The following UVSSA variants were observed in gnomAD, a reference collection of about 807,000 sequenced individuals.
The protein encoded by UVSSA is UV-stimulated scaffold protein A.
UVSSA carries 72 observed loss-of-function variants against 73.9 expected under a neutral mutation model. The observed-to-expected ratio is 0.97, with a 90% confidence interval of 0.81 to 1.19. The LOEUF (loss-of-function observed/expected upper bound fraction) is 1.19, where lower values mean the gene tolerates loss of function less well. UVSSA is among the 50% of genes most tolerant of loss of function. UVSSA has a pLI of 0.00. For synonymous variants in UVSSA, 454 were observed against 391.3 expected, an observed-to-expected ratio of 1.16 and a Z score of -1.89; for missense variants, 1,150 against 965.0, an observed-to-expected ratio of 1.19 and a Z score of -2.54.
chr4:1,362,038 C>T (rs1716718430), intron 7 of UVSSA, among the ~76,000 whole-genome samples: 1 of 152,214 alleles, frequency 6.6e-6, no homozygotes, highest in African/African-American at 2.4e-5. Context: ...CACACGGCCT[C>T]TCCTCTTCCT....
intron 8 of UVSSA, among the ~76,000 whole-genome samples, chr4:1,372,193 C>G (rs894210508): frequency 6.6e-6 from 1 of 152,284 alleles, no homozygotes; most frequent in South Asian, 2.1e-4. Flanking sequence ...TTTTCACTAA[C>G]CGTTGTATCA....
chr4:1,380,318 C>T (rs990504264), intron 11 of UVSSA, 88 bp downstream of exon 11: 2 of 1,468,384 alleles, frequency 1.4e-6, no homozygotes, highest in Non-Finnish European at 1.8e-6. Context: ...TGCCCCTGCC[C>T]TGGGTCAGGG....
chr4:1,350,039 G>A (rs1266589546), intron 3 of UVSSA, among the ~76,000 whole-genome samples, 185 bp downstream of exon 3: 1 of 152,176 alleles, frequency 6.6e-6, no homozygotes, highest in Non-Finnish European at 1.5e-5. Flanking sequence ...CTAGGGTCAC[G>A]GCCTCCCTGA....
intron 12 of UVSSA, 119 bp from the exon 13 acceptor site, chr4:1,383,647 T>C (rs1291967399): frequency 8.1e-7 from 1 of 1,240,762 alleles, no homozygotes; most frequent in Admixed American, 2.0e-5. Flanking sequence ...GGTACGGCCG[T>C]GGGCAAGGCG....
intron 5 of UVSSA, 45 bp downstream of exon 5, chr4:1,353,458 T>C: frequency 7.0e-7 from 1 of 1,436,938 alleles, no homozygotes; most frequent in Non-Finnish European, 9.1e-7. Flanking sequence ...CTGCCCCGGC[T>C]CCCGGGTAGG....
At chr4:1,381,686 C>CTTTTTT (rs1318393473) in intron 12 of UVSSA, among the ~76,000 whole-genome samples, 5 of 131,760 alleles carry the variant, frequency 3.8e-5, no homozygotes, top group Non-Finnish European at 8.1e-5. Flanking sequence ...TTTGATTTGG[C>CTTTTTT]TTTTTTTTTT....
chr4:1,354,782 G>A lies in UVSSA; in HGVS notation c.982G>A (p.Ala328Thr), dbSNP rs143536293. The A allele has an allele frequency of 2.6e-4, 414 of 1,613,560 alleles. 1 individual carries two copies. The African/African-American group carries it at 4.3e-3, about 17-fold the overall frequency. Residue 328 changes from alanine (A) to threonine (T), a missense_variant, in exon 6 of 14, where the codon GCC becomes ACC. Physicochemically the swap from Ala to Thr is moderately conservative, Grantham distance 58. Coordinates refer to ENST00000389851, the MANE Select transcript of UVSSA (RefSeq NM_020894.4). ...ENEDNLALIHAARDTLKLIRN... is the reference protein window; with the variant it reads ...ENEDNLALIHTARDTLKLIRN... ...CGAGGACAACCTTGCTCTCATCCAC[G>A]CCGCCCGCGACACACTCAAGCTCAT...
intron 13 of UVSSA, chr4:1,384,181 G>A (rs955773157): frequency 1.3e-5 from 7 of 531,576 alleles, no homozygotes; most frequent in African/African-American, 9.6e-5. Flanking sequence ...AGAGGGGCTC[G>A]ACCGCCAGGC....
At chr4:1,379,793 C>G (rs570124393) in intron 10 of UVSSA, among the ~76,000 whole-genome samples, 1 of 36,944 alleles carries the variant, frequency 2.7e-5, no homozygotes, top group Non-Finnish European at 6.1e-5. Context: ...CGGTCGTGCC[C>G]GTGGTCGCGC....
chr4:1,347,943 T>C, intron 1 of UVSSA, 147 bp from the exon 2 acceptor site: 1 of 673,836 alleles, frequency 1.5e-6, no homozygotes, highest in East Asian at 2.5e-5. Flanking sequence ...CACACATATT[T>C]CCCAGAGAGG....
rs766320641 is a variant in UVSSA, at chr4:1,354,813, A to T, written c.1013A>T (p.Asn338Ile). The T allele has an allele frequency of 1.9e-6, 3 of 1,611,334 alleles. No individual in the cohort carries two copies. In the East Asian group the frequency reaches 6.7e-5, roughly 36 times the overall value. The change falls in exon 6 of 14, where the codon AAC (asparagine) becomes ATC (isoleucine). Residue 338 changes from asparagine (N) to isoleucine (I), a missense_variant. Transcript: ENST00000389851. ...CGCGACACACTCAAGCTCATCCGGA[A>T]CAAGTTCCTGCCGGCTGTGTGCTCG... ...AARDTLKLIR[N>I]KFLPAVCSWI...
intron 7 of UVSSA, among the ~76,000 whole-genome samples, chr4:1,360,584 TC>T (rs1032372490): frequency 6.6e-6 from 1 of 152,180 alleles, no homozygotes; most frequent in Non-Finnish European, 1.5e-5. Context: ...GGCGCCTGCT[TC>T]CCAGAGGCTG....
chr4:1,394,489 G>T, exon 14 of UVSSA: 1 of 1,613,922 alleles, frequency 6.2e-7, no homozygotes, highest in Non-Finnish European at 8.5e-7. Flanking sequence ...TCAAATAGCT[G>T]TCCAGGTGTC....
intron 7 of UVSSA, among the ~76,000 whole-genome samples, chr4:1,361,852 A>AT (rs59450439): frequency 0.063 from 9,016 of 142,996 alleles, 410 homozygotes; most frequent in East Asian, 0.21. Flanking sequence ...GCCTTACATC[A>AT]TTTTTTTTTT....
intron 7 of UVSSA, among the ~76,000 whole-genome samples, chr4:1,355,981 G>T (rs1456141874): frequency 6.6e-6 from 1 of 152,136 alleles, no homozygotes; most frequent in Non-Finnish European, 1.5e-5. Flanking sequence ...CTGAGAGCTG[G>T]GGTCCTCTGC....
chr4:1,395,324 G>A (rs2109338148), exon 14 of UVSSA: 2 of 1,505,926 alleles, frequency 1.3e-6, no homozygotes, highest in Middle Eastern at 1.9e-4. Flanking sequence ...GTGCCCGCCT[G>A]CTCACGTGCC....
chr4:1,373,336 G>A (rs1031481026), intron 8 of UVSSA, among the ~76,000 whole-genome samples: 4 of 152,186 alleles, frequency 2.6e-5, no homozygotes, highest in African/African-American at 4.8e-5. Context: ...GAGAATAGAT[G>A]TAGGCTGGGA....
chr4:1,363,318 C>G (rs1460309953), intron 7 of UVSSA, among the ~76,000 whole-genome samples: 1 of 151,940 alleles, frequency 6.6e-6, no homozygotes, highest in African/African-American at 2.4e-5. Context: ...ACCCAGGGCT[C>G]CAAATTTAGT....
intron 7 of UVSSA, among the ~76,000 whole-genome samples, chr4:1,356,268 G>A (rs996293778): frequency 6.6e-6 from 1 of 152,112 alleles, no homozygotes; most frequent in African/African-American, 2.4e-5. Flanking sequence ...GCAGACGTGC[G>A]GGGCCTTGGA....
Sources: allele counts gnomAD v4.1 joint callset (sites outside exome capture counted in the v4.1 genomes callset), GRCh38; gene constraint gnomAD v4.1.1; transcripts MANE v1.5; gene names NCBI Gene and HGNC (gene_info 2026-07-23, HGNC 2026-07-21).